PTPRD: variants seen among roughly 807,000 people sequenced by gnomAD.
PTPRD encodes receptor-type tyrosine-protein phosphatase delta.
A neutral mutation model predicts 214.5 loss-of-function variants in PTPRD; 34 were observed. The ratio of observed to expected loss-of-function variants is 0.16; its 90% CI spans 0.12 to 0.21. The LOEUF is 0.21. Ranked by LOEUF, PTPRD falls within the 10% of genes least tolerant of loss-of-function variation. PTPRD has a pLI of 1.00. For synonymous variants in PTPRD, 1,128 were observed against 845.7 expected, an observed-to-expected ratio of 1.33 and a Z score of -5.79; for missense variants, 2,545 against 2,398.7, an observed-to-expected ratio of 1.06 and a Z score of -1.27.
chr9:9,211,558 C>CAT (rs2099948724), intron 9 of PTPRD, among the ~76,000 whole-genome samples: 1 of 133,338 alleles, frequency 7.5e-6, no homozygotes, highest in African/African-American at 2.8e-5. Flanking sequence ...CACACACACA[C>CAT]AAGAGCTAAG....
At chr9:9,259,591 G>C (rs1184787382) in intron 9 of PTPRD, among the ~76,000 whole-genome samples, 2 of 151,888 alleles carry the variant, frequency 1.3e-5, no homozygotes, top group African/African-American at 4.8e-5. Flanking sequence ...TTTGAAGTAT[G>C]TCATTGAACA....
intron 10 of PTPRD, among the ~76,000 whole-genome samples, chr9:9,108,959 A>G (rs1481203457): frequency 1.3e-5 from 2 of 152,110 alleles, no homozygotes; most frequent in African/African-American, 2.4e-5. Context: ...ATCTCATTCA[A>G]CTGAACCCAA....
intron 2 of PTPRD, among the ~76,000 whole-genome samples, chr9:10,608,690 C>T (rs2080136519): frequency 1.3e-5 from 2 of 152,098 alleles, no homozygotes; most frequent in South Asian, 4.1e-4. Flanking sequence ...GGTCACACTT[C>T]CAATTGTAGT....
intron 6 of PTPRD, among the ~76,000 whole-genome samples, chr9:9,762,504 G>A (rs1399626340): frequency 6.6e-6 from 1 of 151,950 alleles, no homozygotes; most frequent in East Asian, 1.9e-4. Flanking sequence ...TTTTACCATA[G>A]CAATCAAGAG....
Position 9,836,901 on chromosome 9 carries a change from A to G in PTPRD, c.-367-70050T>C, listed in dbSNP as rs570905520. Among the ~76,000 whole-genome samples, 6 of 152,326 alleles carry G rather than the reference A, an allele frequency of 3.9e-5. No individual in the cohort carries two copies. The South Asian group carries it at 1.2e-3, about 32-fold the overall frequency. The stretch of plus-strand genomic sequence containing the variant: ...TATCAAGAGGTAGATAAATTAATAG[A>G]TTATAACATGACTGTTATACCTCTT... On this transcript the variant is annotated intron_variant, in intron 5 of 45. Transcript: ENST00000381196.
chr9:9,744,019 C>T (rs1272620010), intron 6 of PTPRD, among the ~76,000 whole-genome samples: 4 of 152,008 alleles, frequency 2.6e-5, no homozygotes, highest in Admixed American at 6.6e-5. Context: ...ATCTTGATGA[C>T]GTCATTCTAT....
At chr9:9,483,332 A>G (rs1445267196) in intron 8 of PTPRD, among the ~76,000 whole-genome samples, 2 of 152,174 alleles carry the variant, frequency 1.3e-5, no homozygotes, top group Non-Finnish European at 2.9e-5. Flanking sequence ...GACATTACAG[A>G]ATACAATTTA....
intron 33 of PTPRD, among the ~76,000 whole-genome samples, chr9:8,459,937 C>T (rs192857632): frequency 2.1e-3 from 319 of 151,982 alleles, no homozygotes; most frequent in African/African-American, 7.2e-3. Flanking sequence ...TCTGCTTTTG[C>T]TAAATTTTGA....
chr9:8,562,378 CTT>C (rs954289787), intron 14 of PTPRD, among the ~76,000 whole-genome samples: 6 of 151,876 alleles, frequency 4.0e-5, no homozygotes, highest in Non-Finnish European at 7.4e-5. Flanking sequence ...TTTTTGAAAA[CTT>C]CTCAGTTCCT....
intron 3 of PTPRD, among the ~76,000 whole-genome samples, chr9:10,171,381 C>T (rs375573383): frequency 2.6e-5 from 4 of 151,996 alleles, no homozygotes; most frequent in African/African-American, 9.7e-5. Context: ...GAAACCCTTT[C>T]GCTTGGCTCT....
chr9:8,400,386 G>A (rs570486421), intron 36 of PTPRD, among the ~76,000 whole-genome samples: 3 of 152,192 alleles, frequency 2.0e-5, no homozygotes, highest in Admixed American at 2.0e-4. Flanking sequence ...CATTTGTTCT[G>A]CAATCTTATG....
chr9:9,393,305 A>C (rs2066544758), intron 9 of PTPRD, among the ~76,000 whole-genome samples: 1 of 152,120 alleles, frequency 6.6e-6, no homozygotes. Context: ...GGACATTAGC[A>C]AGCTTGATAC....
chr9:9,561,354 G>T (rs2082893976), intron 8 of PTPRD, among the ~76,000 whole-genome samples: 1 of 152,144 alleles, frequency 6.6e-6, no homozygotes, highest in Non-Finnish European at 1.5e-5. Flanking sequence ...AAAAAATCAA[G>T]CTGTAACCTA....
Position 9,011,559 on chromosome 9 carries a change from T to G in PTPRD, c.-104+7138A>C, listed in dbSNP as rs79535150. On this transcript the variant is annotated intron_variant, in intron 11 of 45. Transcript: ENST00000381196. ...GCAGTAGCAAAGAAAGAGGGTCACA[T>G]GCTATTCCCTGCCAGAGTAGCTAAG... 7.3e-3 allele frequency among the ~76,000 whole-genome samples: 1,119 copies of G among 152,250 alleles called. 11 individuals carry two copies. The highest frequency in any genetic ancestry group is 0.026 in the African/African-American group (1,064 of 41,548).
intron 5 of PTPRD, among the ~76,000 whole-genome samples, chr9:9,782,387 T>C (rs1487113312): frequency 6.6e-6 from 1 of 152,210 alleles, no homozygotes; most frequent in Non-Finnish European, 1.5e-5. Context: ...ATTGCTATGA[T>C]TGTTCATTGA....
intron 3 of PTPRD, among the ~76,000 whole-genome samples, chr9:10,043,070 C>G (rs1277071184): frequency 6.6e-6 from 1 of 151,864 alleles, no homozygotes; most frequent in Non-Finnish European, 1.5e-5. Flanking sequence ...AATTTCTCAT[C>G]TACACAAACA....
chr9:10,008,526 G>C (rs778016017), intron 4 of PTPRD, among the ~76,000 whole-genome samples: 1 of 151,974 alleles, frequency 6.6e-6, no homozygotes, highest in Non-Finnish European at 1.5e-5. Context: ...ATGCATGTTT[G>C]CTTAGCATGC....
At chr9:9,474,138 G>A (rs752877738) in intron 8 of PTPRD, among the ~76,000 whole-genome samples, 1 of 151,982 alleles carries the variant, frequency 6.6e-6, no homozygotes, top group Non-Finnish European at 1.5e-5. Context: ...TTTTGTAGAT[G>A]GTGAGAGATA....
At chr9:9,784,486 T>G (rs1287760592) in intron 5 of PTPRD, among the ~76,000 whole-genome samples, 1 of 152,046 alleles carries the variant, frequency 6.6e-6, no homozygotes, top group Non-Finnish European at 1.5e-5. Context: ...CTACAACTTA[T>G]TTTACTACTT....
Sources: gnomAD v4.1 joint callset for allele counts (sites outside exome capture counted in the v4.1 genomes callset) on GRCh38, gnomAD v4.1.1 for gene constraint, MANE v1.5 for transcripts, NCBI Gene and HGNC (gene_info 2026-07-23, HGNC 2026-07-21) for gene names.